PELI2: variants seen among roughly 807,000 people sequenced by gnomAD.
PELI2 encodes E3 ubiquitin-protein ligase pellino homolog 2.
Under a neutral mutation model 42.3 loss-of-function variants are expected in PELI2, and 23 were observed. The ratio of observed to expected loss-of-function variants is 0.54; its 90% CI spans 0.39 to 0.77. The LOEUF (loss-of-function observed/expected upper bound fraction) is 0.77, where lower values mean the gene tolerates loss of function less well. Among genes scored for constraint, PELI2 ranks in the 30% least tolerant of loss-of-function variants. The pLI, the probability that PELI2 is intolerant of heterozygous loss-of-function variation, is 0.00. For missense variants in PELI2, 463 were observed against 553.2 expected, an observed-to-expected ratio of 0.84 and a Z score of 1.64; for synonymous variants, 245 against 212.2, an observed-to-expected ratio of 1.15 and a Z score of -1.34.
intron 1 of PELI2, among the ~76,000 whole-genome samples, chr14:56,127,676 G>A (rs1201831193): frequency 6.6e-6 from 1 of 152,122 alleles, no homozygotes; most frequent in Non-Finnish European, 1.5e-5. Context: ...AGAATCCACT[G>A]GTTACTGCCT....
intron 1 of PELI2, among the ~76,000 whole-genome samples, chr14:56,149,339 A>G (rs1189524949): frequency 3.3e-5 from 5 of 152,178 alleles, no homozygotes; most frequent in African/African-American, 1.2e-4. Flanking sequence ...CTTCTTATGC[A>G]TCGTTCTGCT....
At chr14:56,157,595 A>G (rs898989228) in intron 1 of PELI2, among the ~76,000 whole-genome samples, 7 of 152,216 alleles carry the variant, frequency 4.6e-5, no homozygotes, top group Admixed American at 2.0e-4. Flanking sequence ...AAAAATTATC[A>G]TTTTGAGAAT....
intron 2 of PELI2, among the ~76,000 whole-genome samples, chr14:56,260,319 T>C (rs1181420548): frequency 6.6e-6 from 1 of 152,170 alleles, no homozygotes; most frequent in Non-Finnish European, 1.5e-5. Context: ...AGGAACAAAC[T>C]ACCAAGACAC....
intron 1 of PELI2, among the ~76,000 whole-genome samples, chr14:56,162,339 C>G (rs1173916412): frequency 6.6e-6 from 1 of 152,012 alleles, no homozygotes; most frequent in Non-Finnish European, 1.5e-5. Flanking sequence ...GTTTTTAGAT[C>G]TTACAAATAA....
Position 56,118,573 on chromosome 14 carries a change from A to T in PELI2, c.-88A>T. 1 of 828,928 alleles carries T rather than the reference A, an allele frequency of 1.2e-6. No homozygotes were observed. The highest frequency in any genetic ancestry group is 1.7e-6 in the Non-Finnish European group (1 of 606,050). The allele number at this position is 828,928 out of a possible 1,614,324, so 51.3% of individuals were successfully genotyped here. ...CCGGCGCGCTCACCCCGTTCTCGGG[A>T]TGGGATTGTAGCGGCGGCGCGGACT... On this transcript the variant is annotated 5_prime_UTR_variant, in exon 1 of 6. The change abolishes an upstream ATG in the 5' untranslated region. Coordinates refer to ENST00000267460, the MANE Select transcript of PELI2 (RefSeq NM_021255.3).
chr14:56,216,148 T>A (rs1471521396), intron 2 of PELI2, among the ~76,000 whole-genome samples: 1 of 152,228 alleles, frequency 6.6e-6, no homozygotes, highest in African/African-American at 2.4e-5. Flanking sequence ...TGTTTATGTA[T>A]TTGCTTTTTG....
intron 2 of PELI2, among the ~76,000 whole-genome samples, chr14:56,232,434 G>A (rs1887618636): frequency 6.6e-6 from 1 of 152,128 alleles, no homozygotes; most frequent in African/African-American, 2.4e-5. Flanking sequence ...CTTCATCCCT[G>A]GGATGCAAGG....
chr14:56,232,059 G>T (rs1177903421), intron 2 of PELI2, among the ~76,000 whole-genome samples: 1 of 152,150 alleles, frequency 6.6e-6, no homozygotes, highest in Non-Finnish European at 1.5e-5. Context: ...ACTAATCCAG[G>T]AAGAAGTTGA....
rs529776982 is a variant in PELI2 at position 56,194,279 on chromosome 14, C to T, written c.207+15815C>T. Among the ~76,000 whole-genome samples the T allele has an allele frequency of 1.6e-3, 245 of 152,286 alleles. 2 individuals carry two copies. The highest frequency in any genetic ancestry group is 2.7e-3 in the Non-Finnish European group (183 of 68,018). On this transcript the variant is annotated intron_variant, in intron 2 of 5. Transcript: ENST00000267460. ...TGCCCCTGTTCCTGTCGTCAGCATC[C>T]GGCCCTGCACTGCTGTTGCCCTCTG...
intron 2 of PELI2, among the ~76,000 whole-genome samples, chr14:56,190,154 A>G (rs925052798): frequency 6.6e-6 from 1 of 152,230 alleles, no homozygotes. Flanking sequence ...GTAGTACTTG[A>G]TTGAAATCAT....
chr14:56,292,658 T>C (rs554172700), intron 5 of PELI2: 2 of 313,936 alleles, frequency 6.4e-6, no homozygotes, highest in South Asian at 1.2e-4. Flanking sequence ...GAGCATTTGA[T>C]ATGAATCAAT....
At chr14:56,291,647 A>T (rs1889835497) in intron 5 of PELI2, among the ~76,000 whole-genome samples, 1 of 152,232 alleles carries the variant, frequency 6.6e-6, no homozygotes, top group Admixed American at 6.5e-5. Flanking sequence ...TACAAAACTG[A>T]CCTAGATTGG....
chr14:56,264,665 G>A (rs1047735273), intron 2 of PELI2, among the ~76,000 whole-genome samples: 1 of 152,140 alleles, frequency 6.6e-6, no homozygotes, highest in Non-Finnish European at 1.5e-5. Context: ...CAGGAAAATG[G>A]TAAACCCAGT....
intron 2 of PELI2, among the ~76,000 whole-genome samples, chr14:56,268,885 G>C (rs1889000086): frequency 6.6e-6 from 1 of 152,178 alleles, no homozygotes; most frequent in South Asian, 2.1e-4. Context: ...CTCATGCTTT[G>C]TAGGGAGCTG....
At chr14:56,131,280 G>A (rs1474762551) in intron 1 of PELI2, among the ~76,000 whole-genome samples, 2 of 152,200 alleles carry the variant, frequency 1.3e-5, no homozygotes. Context: ...AGTTGATTTA[G>A]ACCCTTCTGA....
At chr14:56,235,257 C>T (rs1279870679) in intron 2 of PELI2, among the ~76,000 whole-genome samples, 1 of 151,948 alleles carries the variant, frequency 6.6e-6, no homozygotes, top group Non-Finnish European at 1.5e-5. Context: ...TAAAATGTTA[C>T]CTGCTAGAGA....
intron 2 of PELI2, among the ~76,000 whole-genome samples, chr14:56,245,935 T>A (rs1888136514): frequency 6.6e-6 from 1 of 152,222 alleles, no homozygotes. Context: ...TGTAAGAGAC[T>A]TGAGCATCCT....
intron 2 of PELI2, among the ~76,000 whole-genome samples, chr14:56,248,643 G>A (rs994715809): frequency 7.9e-5 from 12 of 151,984 alleles, no homozygotes; most frequent in African/African-American, 1.2e-4. Context: ...TGAGGAGGCC[G>A]GATCCTGGAG....
chr14:56,264,808 C>T (rs1428710077), intron 2 of PELI2, among the ~76,000 whole-genome samples: 24 of 152,144 alleles, frequency 1.6e-4, no homozygotes, highest in Admixed American at 1.6e-3. Flanking sequence ...CAACAAGAGG[C>T]TCCTAGGAAC....
Sources: allele counts gnomAD v4.1 joint callset (sites outside exome capture counted in the v4.1 genomes callset), GRCh38; gene constraint gnomAD v4.1.1; transcripts MANE v1.5; gene names NCBI Gene and HGNC (gene_info 2026-07-23, HGNC 2026-07-21).